Variants in TRIM9 observed in about 807,000 individuals in gnomAD.
TRIM9 encodes the protein E3 ubiquitin-protein ligase TRIM9.
In TRIM9, 26 loss-of-function variants were observed where a neutral mutation model predicts 78.3. That is an observed-to-expected ratio of 0.33 (90% CI 0.24 to 0.46). The LOEUF (loss-of-function observed/expected upper bound fraction) is 0.46, where lower values mean the gene tolerates loss of function less well. Ranked by LOEUF, TRIM9 falls within the 20% of genes least tolerant of loss-of-function variation. The pLI, the probability that TRIM9 is intolerant of heterozygous loss-of-function variation, is 1.00. For synonymous variants in TRIM9, 398 were observed against 416.5 expected (o/e 0.96, Z 0.54); for missense variants, 787 against 1,036.4 (o/e 0.76, Z 3.30).
intron 1 of TRIM9, among the ~76,000 whole-genome samples, chr14:51,086,585 A>C (rs993117491): frequency 6.6e-6 from 1 of 152,264 alleles, no homozygotes; most frequent in South Asian, 2.1e-4. Context: ...AAGAAGATAG[A>C]TAAGAAACAG....
intron 3 of TRIM9, among the ~76,000 whole-genome samples, chr14:51,014,935 A>G (rs1488420505): frequency 6.6e-6 from 1 of 152,146 alleles, no homozygotes; most frequent in Non-Finnish European, 1.5e-5. Flanking sequence ...GGCCTAGGAG[A>G]ACAGTCTTCC....
chr14:50,981,829 C>T lies in TRIM9; in HGVS notation c.2133G>A (p.Trp711Ter). The T allele has an allele frequency of 1.9e-6, 3 of 1,614,206 alleles. No homozygotes were observed. Among genetic ancestry groups the T allele is most frequent in the Non-Finnish European group, 2.5e-6 (3 of 1,180,036 alleles). Residue 711 changes from tryptophan (W) to a stop codon, truncating the protein, a stop_gained, in exon 11 of 13, where the codon TGG becomes TGA. Transcript: ENST00000684578. LOFTEE classifies it high-confidence loss of function. The part of the protein sequence containing the change: ...WAMYVDNNRS[W>*]FMHNNSHTNR... ...TGGTGTGCGAGTTGTTGTGCATGAA[C>T]CAGCTCCGGTTATTGTCCACATACA...
At chr14:51,089,285 T>G (rs530151891) in intron 1 of TRIM9, 33 of 152,368 alleles carry the variant, frequency 2.2e-4, no homozygotes, top group East Asian at 1.7e-3. Flanking sequence ...TTCTTAAACA[T>G]TTATCTTGTT....
intron 1 of TRIM9, among the ~76,000 whole-genome samples, chr14:51,072,743 C>T (rs2062405926): frequency 6.6e-6 from 1 of 151,528 alleles, no homozygotes; most frequent in African/African-American, 2.4e-5. Flanking sequence ...TATTTGCATT[C>T]GTACTGTTTG....
intron 1 of TRIM9, among the ~76,000 whole-genome samples, chr14:51,068,903 GAA>G (rs1316862053): frequency 6.6e-6 from 1 of 152,162 alleles, no homozygotes; most frequent in Admixed American, 6.5e-5. Context: ...TAACATTTTT[GAA>G]AGAGGGTTGG....
intron 1 of TRIM9, among the ~76,000 whole-genome samples, chr14:51,078,817 C>T (rs1018222937): frequency 1.3e-5 from 2 of 151,996 alleles, no homozygotes; most frequent in Admixed American, 1.3e-4. Flanking sequence ...GCCTGGAGAT[C>T]GAATGTATAA....
chr14:51,003,033 T>C (rs11847331), intron 5 of TRIM9, among the ~76,000 whole-genome samples: 10,517 of 152,210 alleles, frequency 0.069, 556 homozygotes, highest in East Asian at 0.15. Flanking sequence ...GCTCACTAAA[T>C]AAACTACAGG....
chr14:51,061,232 G>A (rs1238246445), intron 1 of TRIM9, among the ~76,000 whole-genome samples: 3 of 151,968 alleles, frequency 2.0e-5, no homozygotes, highest in Non-Finnish European at 4.4e-5. Flanking sequence ...GGCCAACCTA[G>A]TGAAACCCTG....
intron 5 of TRIM9, 76 bp from the exon 6 acceptor site, chr14:51,000,916 C>T: frequency 1.3e-6 from 2 of 1,562,734 alleles, no homozygotes; most frequent in South Asian, 2.3e-5. Context: ...CAAGCATCCC[C>T]CTGATAAACA....
intron 1 of TRIM9, among the ~76,000 whole-genome samples, chr14:51,047,504 T>C (rs1038314506): frequency 6.6e-6 from 1 of 152,152 alleles, no homozygotes; most frequent in Non-Finnish European, 1.5e-5. Flanking sequence ...CCCAGAGATA[T>C]TATAAAGTTA....
At chr14:51,053,857 C>T (rs183878483) in intron 1 of TRIM9, among the ~76,000 whole-genome samples, 3 of 151,702 alleles carry the variant, frequency 2.0e-5, no homozygotes, top group African/African-American at 7.3e-5. Flanking sequence ...CAAATTATTG[C>T]CCAAAGTAAA....
At chr14:50,997,370 G>A (rs1198823795) in intron 7 of TRIM9, 1 of 985,264 alleles carries the variant, frequency 1.0e-6, no homozygotes, top group Non-Finnish European at 1.2e-6. Context: ...GCTCTCGGTA[G>A]CCTAGCCAAG....
intron 8 of TRIM9, 115 bp downstream of exon 8, chr14:50,985,841 A>G: frequency 1.1e-6 from 1 of 949,496 alleles, no homozygotes; most frequent in Non-Finnish European, 1.4e-6. Flanking sequence ...GGCCACAGAC[A>G]GAGACTAGCT....
intron 3 of TRIM9, among the ~76,000 whole-genome samples, chr14:51,018,055 C>A (rs910403459): frequency 1.3e-5 from 2 of 152,202 alleles, no homozygotes; most frequent in Non-Finnish European, 2.9e-5. Context: ...CTTCTACAGA[C>A]TTCTGCTGAG....
At chr14:51,049,121 G>A (rs1245409757) in intron 1 of TRIM9, among the ~76,000 whole-genome samples, 1 of 152,190 alleles carries the variant, frequency 6.6e-6, no homozygotes, top group Non-Finnish European at 1.5e-5. Flanking sequence ...GCATGCAGAA[G>A]CGCAGTCCCG....
At chr14:50,979,074 G>A in intron 12 of TRIM9, 6 of 1,328,396 alleles carry the variant, frequency 4.5e-6, no homozygotes, top group East Asian at 2.7e-5. Flanking sequence ...CATGCCAGTT[G>A]GTTAAAGGCT....
At position 51,094,475 on chromosome 14, in the gene TRIM9, A is replaced by C; in HGVS notation, c.465T>G (p.Ile155Met). 6.2e-7 allele frequency: 1 copy of C among 1,613,766 alleles called. No individual in the cohort carries two copies. Residue 155 changes from isoleucine (I) to methionine (M), a missense_variant, in exon 1 of 13, where the codon ATT becomes ATG. Transcript: ENST00000684578. Reference protein sequence around the residue: ...FPKNRVLEGVIDRYQQSKAAA... With the variant: ...FPKNRVLEGVMDRYQQSKAAA... ...CGGCTTTGCTCTGCTGGTAGCGGTCAATTACCCCTTCCAGTACGCGATTCT... is the reference window on the plus strand; with the variant it reads ...CGGCTTTGCTCTGCTGGTAGCGGTCCATTACCCCTTCCAGTACGCGATTCT...
Position 50,990,111 on chromosome 14 carries a change from G to A in TRIM9, c.1604-3967C>T, listed in dbSNP as rs141169306. On this transcript the variant is annotated intron_variant, in intron 7 of 12. Coordinates refer to ENST00000684578, the MANE Select transcript of TRIM9 (RefSeq NM_001387360.1). ...TAGCTCACTGCAGCCTTGAACTCCT[G>A]GGCTCAAGGGATCCTCCTCCCTCAG... is the stretch of plus-strand genomic sequence containing the variant. Among the ~76,000 whole-genome samples the A allele has an allele frequency of 9.3e-4, 142 of 152,232 alleles. 3 individuals are homozygous for A. The East Asian group carries it at 0.013, about 14-fold the overall frequency.
chr14:50,985,944 A>G lies in TRIM9; in HGVS notation c.1792+12T>C. On this transcript the variant is annotated intron_variant, in intron 8 of 12. Coordinates refer to ENST00000684578, the MANE Select transcript of TRIM9 (RefSeq NM_001387360.1). Reference sequence around the variant, plus strand: ...AGAGATCAAGGGGAAAGGTCTGAGGAGCTCAGCTCACCCGGTGCATTGAGA... The same window carrying G: ...AGAGATCAAGGGGAAAGGTCTGAGGGGCTCAGCTCACCCGGTGCATTGAGA... 1 of 1,513,442 alleles carries G rather than the reference A, an allele frequency of 6.6e-7. No individual in the cohort carries two copies. The highest frequency in any genetic ancestry group is 8.9e-7 in the Non-Finnish European group (1 of 1,128,404). The allele number at this position is 1,513,442 out of a possible 1,614,324, so 93.8% of individuals were successfully genotyped here.
Sources: allele counts gnomAD v4.1 joint callset (sites outside exome capture counted in the v4.1 genomes callset), GRCh38; gene constraint gnomAD v4.1.1; transcripts MANE v1.5; gene names NCBI Gene and HGNC (gene_info 2026-07-23, HGNC 2026-07-21).